The following PDSS2 variants were observed in gnomAD, a reference collection of about 807,000 sequenced individuals.
PDSS2 encodes the protein all trans-polyprenyl-diphosphate synthase PDSS2.
Under a neutral mutation model 44.5 loss-of-function variants are expected in PDSS2, and 31 were observed. The ratio of observed to expected loss-of-function variants is 0.70; its 90% CI spans 0.52 to 0.94. The LOEUF is 0.94. Among genes scored for constraint, PDSS2 ranks in the 40% least tolerant of loss-of-function variants. PDSS2 has a pLI of 0.00. For synonymous variants in PDSS2, 157 were observed against 180.3 expected (o/e 0.87, Z 1.03); for missense variants, 452 against 482.2 (o/e 0.94, Z 0.59).
rs1781132756 is a variant in PDSS2, at chr6:107,429,904, ATATATATATAT to A, written c.296+29075_296+29085del. On this transcript the variant is annotated intron_variant, in intron 1 of 7. Coordinates refer to ENST00000369037, the MANE Select transcript of PDSS2 (RefSeq NM_020381.4). ...AGTCTCAAAAAAAAAAAAAAAAAAT[ATATATATATAT>A]ATATATATATATATATATATATACA... is the stretch of plus-strand genomic sequence containing the variant. Among the ~76,000 whole-genome samples the A allele has an allele frequency of 9.6e-4, 32 of 33,378 alleles. 3 individuals are homozygous for A. The highest frequency in any genetic ancestry group is 8.4e-3 in the East Asian group (7 of 838). 21.9% of individuals were successfully genotyped at this position (33,378 alleles called of 152,430 possible). A position where few individuals can be genotyped will look rare whatever the true frequency, so the allele number is the denominator to read the frequency against.
At chr6:107,317,680 A>C (rs2250383) in intron 2 of PDSS2, among the ~76,000 whole-genome samples, 40,110 of 152,168 alleles carry the variant, frequency 0.26, 6,898 homozygotes, top group Middle Eastern at 0.5. Flanking sequence ...TAAAAATAAA[A>C]GCTCCCAATA....
At chr6:107,253,691 GT>G (rs779623605) in intron 3 of PDSS2, among the ~76,000 whole-genome samples, 1 of 152,076 alleles carries the variant, frequency 6.6e-6, no homozygotes, top group Non-Finnish European at 1.5e-5. Flanking sequence ...GTAAAAAATA[GT>G]TTTTTTAGCT....
At chr6:107,191,868 T>G (rs1342258775) in intron 7 of PDSS2, among the ~76,000 whole-genome samples, 3 of 152,134 alleles carry the variant, frequency 2.0e-5, no homozygotes, top group Non-Finnish European at 4.4e-5. Flanking sequence ...CACCTCAGCC[T>G]CTCAAAATGC....
intron 7 of PDSS2, among the ~76,000 whole-genome samples, chr6:107,190,084 TA>T (rs200204096): frequency 3.4e-4 from 48 of 142,504 alleles, no homozygotes; most frequent in Admixed American, 3.5e-4. Flanking sequence ...ACCCTATCTC[TA>T]AAAAAAAAAA....
chr6:107,393,797 AG>A (rs1779856576), intron 1 of PDSS2, among the ~76,000 whole-genome samples: 1 of 152,218 alleles, frequency 6.6e-6, no homozygotes, highest in South Asian at 2.1e-4. Flanking sequence ...TAATGGCAAA[AG>A]CCACAATTTC....
At chr6:107,418,682 G>A (rs548846935) in intron 1 of PDSS2, among the ~76,000 whole-genome samples, 1 of 152,164 alleles carries the variant, frequency 6.6e-6, no homozygotes, top group East Asian at 1.9e-4. Context: ...GGCTGAGGCA[G>A]GAGAATCGCT....
At chr6:107,388,824 A>G (rs535269539) in intron 1 of PDSS2, among the ~76,000 whole-genome samples, 21 of 152,294 alleles carry the variant, frequency 1.4e-4, no homozygotes, top group Admixed American at 5.9e-4. Flanking sequence ...TGTCATTTAA[A>G]AGAAGAATGG....
In PDSS2 at chr6:107,210,483, G is replaced by A. The variant is rs118203955; in HGVS notation, c.964C>T (p.Gln322Ter). ...CACAAATCTCTTCCAAGAAATTCCT[G>A]ATGTAAGACTACAGGAGCTGAGTTT... ...NLNSAPVVLHQEFLGRDLWIK... is the reference protein window; with the variant it reads ...NLNSAPVVLH Residue 322 changes from glutamine to a stop codon, truncating the protein, a stop_gained, in exon 6 of 8, where the codon CAG (glutamine) becomes TAG (stop). Transcript: ENST00000369037. LOFTEE classifies it high-confidence loss of function. The A allele has an allele frequency of 7.5e-6, 12 of 1,608,802 alleles. No homozygotes were observed. The highest frequency in any genetic ancestry group is 7.7e-6 in the Non-Finnish European group (9 of 1,175,628).
chr6:107,438,246 T>A (rs1781413945), intron 1 of PDSS2, among the ~76,000 whole-genome samples: 1 of 152,158 alleles, frequency 6.6e-6, no homozygotes, highest in African/African-American at 2.4e-5. Context: ...TCTCGCTCTG[T>A]CACCCAGGCT....
chr6:107,407,325 T>A lies in PDSS2; in HGVS notation c.296+51665A>T, dbSNP rs75563795. 4.9e-4 allele frequency among the ~76,000 whole-genome samples: 75 copies of A among 152,330 alleles called. 2 individuals carry two copies. In the East Asian group the frequency reaches 0.013, roughly 26 times the overall value. ...CAAATGAGGAGTTACTGTTTCTATT[T>A]GTGATCATAAAAAAGTTCTGAAAAT... is the stretch of plus-strand genomic sequence containing the variant. On this transcript the variant is annotated intron_variant, in intron 1 of 7. Coordinates refer to ENST00000369037, the MANE Select transcript of PDSS2 (RefSeq NM_020381.4).
chr6:107,261,795 T>A (rs1775238309), intron 3 of PDSS2, among the ~76,000 whole-genome samples: 2 of 149,536 alleles, frequency 1.3e-5, no homozygotes, highest in Admixed American at 6.7e-5. Context: ...GCCAGGCTGG[T>A]CTCGAACTCC....
intron 1 of PDSS2, among the ~76,000 whole-genome samples, chr6:107,422,513 G>C (rs1365099946): frequency 6.6e-6 from 1 of 151,850 alleles, no homozygotes; most frequent in Non-Finnish European, 1.5e-5. Context: ...TGACATACAT[G>C]CAAATTCCAT....
chr6:107,326,832 A>G (rs976017034), intron 2 of PDSS2, among the ~76,000 whole-genome samples: 5 of 151,716 alleles, frequency 3.3e-5, no homozygotes, highest in Admixed American at 1.3e-4. Flanking sequence ...ATTCTGGGTG[A>G]CAGAGCAGGG....
chr6:107,298,441 AGT>A (rs1776582491), intron 2 of PDSS2, among the ~76,000 whole-genome samples: 1 of 152,228 alleles, frequency 6.6e-6, no homozygotes, highest in Non-Finnish European at 1.5e-5. Context: ...GAGGATGCAC[AGT>A]GGTTATATGC....
intron 2 of PDSS2, among the ~76,000 whole-genome samples, chr6:107,325,135 A>G (rs1777499098): frequency 1.3e-5 from 2 of 152,180 alleles, no homozygotes; most frequent in African/African-American, 2.4e-5. Flanking sequence ...CAAATATTCT[A>G]TCACTTCCTC....
intron 4 of PDSS2, among the ~76,000 whole-genome samples, chr6:107,236,017 A>G (rs940144436): frequency 6.6e-6 from 1 of 152,186 alleles, no homozygotes; most frequent in Non-Finnish European, 1.5e-5. Flanking sequence ...GTCAGAAAAA[A>G]AAATTGAAGA....
At chr6:107,234,497 G>A (rs76676922) in intron 4 of PDSS2, among the ~76,000 whole-genome samples, 3,273 of 151,358 alleles carry the variant, frequency 0.022, 96 homozygotes, top group African/African-American at 0.075. Flanking sequence ...AAGCCACCAC[G>A]CCTGGCTCTA....
intron 1 of PDSS2, among the ~76,000 whole-genome samples, chr6:107,452,824 G>A (rs754021146): frequency 1.3e-5 from 2 of 151,650 alleles, no homozygotes; most frequent in Non-Finnish European, 2.9e-5. Flanking sequence ...ACATCACCAC[G>A]CCCAGCTAAT....
At chr6:107,243,654 C>G (rs1314088542) in intron 4 of PDSS2, among the ~76,000 whole-genome samples, 3 of 152,140 alleles carry the variant, frequency 2.0e-5, no homozygotes, top group African/African-American at 7.2e-5. Flanking sequence ...GTATGGCAGA[C>G]AGATGCTATC....
Sources: gnomAD v4.1 joint callset for allele counts (sites outside exome capture counted in the v4.1 genomes callset) on GRCh38, gnomAD v4.1.1 for gene constraint, MANE v1.5 for transcripts, NCBI Gene and HGNC (gene_info 2026-07-23, HGNC 2026-07-21) for gene names.